Variants in KCNJ6 observed in about 807,000 individuals in gnomAD.
KCNJ6 encodes the protein potassium inwardly rectifying channel subfamily J member 6.
In KCNJ6, 9 loss-of-function variants were observed where a neutral mutation model predicts 34.2. That is an observed-to-expected ratio of 0.26 (90% CI 0.16 to 0.46). The LOEUF (loss-of-function observed/expected upper bound fraction) is 0.46, where lower values mean the gene tolerates loss of function less well. Ranked by LOEUF, KCNJ6 falls within the 20% of genes least tolerant of loss-of-function variation. The pLI is 1.00. For missense variants in KCNJ6, 236 were observed against 531.3 expected, an observed-to-expected ratio of 0.44 and a Z score of 5.46; for synonymous variants, 196 against 207.1, an observed-to-expected ratio of 0.95 and a Z score of 0.46.
intron 1 of KCNJ6, among the ~76,000 whole-genome samples, chr21:37,846,582 T>A (rs374457607): frequency 6.6e-6 from 1 of 152,022 alleles, no homozygotes. Context: ...TACCCAGAAG[T>A]AGGCTTTTAA....
At chr21:37,890,877 C>A (rs1422900424) in intron 1 of KCNJ6, among the ~76,000 whole-genome samples, 5 of 152,306 alleles carry the variant, frequency 3.3e-5, no homozygotes, top group African/African-American at 1.2e-4. Flanking sequence ...CTGTAGCCTA[C>A]TGTGGGTTTC....
Position 37,615,569 on chromosome 21 carries a change from GGA to G in KCNJ6, c.*9588_*9589del, listed in dbSNP as rs1348403619. On this transcript the variant is annotated 3_prime_UTR_variant, in exon 4 of 4. Transcript: ENST00000609713. ...ACTTTACCTTTTATGCCAATATAGG[GGA>G]GTCTATTCTCAAGTTCAAAGCCAGA... 1 of 152,112 alleles carries G rather than the reference GGA, an allele frequency of 6.6e-6. No homozygotes were observed. The highest frequency in any genetic ancestry group is 1.5e-5 in the Non-Finnish European group (1 of 68,028). 9.4% of individuals were successfully genotyped at this position (152,112 alleles called of 1,614,324 possible).
chr21:37,821,392 A>T lies in KCNJ6; in HGVS notation c.25+19266T>A, dbSNP rs978791394. Among the ~76,000 whole-genome samples the T allele has an allele frequency of 7.2e-5, 11 of 152,168 alleles. No individual in the cohort carries two copies. The East Asian group carries it at 7.7e-4, about 11-fold the overall frequency. ...CAATTTTTTTATTTCTTAATTTTTT[A>T]AAATTTAATTTTACATTCTAGGTTA... On this transcript the variant is annotated intron_variant, in intron 2 of 3. Transcript: ENST00000609713.
intron 1 of KCNJ6, among the ~76,000 whole-genome samples, chr21:37,901,293 T>A (rs890914541): frequency 2.0e-5 from 3 of 152,042 alleles, no homozygotes; most frequent in Admixed American, 2.0e-4. Flanking sequence ...TAAAGGTGAG[T>A]GTTGTCTTAG....
intron 2 of KCNJ6, among the ~76,000 whole-genome samples, chr21:37,784,283 C>T (rs1480085236): frequency 6.6e-6 from 1 of 152,154 alleles, no homozygotes; most frequent in African/African-American, 2.4e-5. Context: ...TACCCTGGAG[C>T]CATCTCTCCC....
intron 1 of KCNJ6, among the ~76,000 whole-genome samples, chr21:37,860,634 T>A (rs1356587188): frequency 6.6e-6 from 1 of 152,146 alleles, no homozygotes; most frequent in East Asian, 1.9e-4. Context: ...TCCCCATCAC[T>A]CACACTGCAG....
At position 37,846,070 on chromosome 21, in the gene KCNJ6, C is replaced by T. The variant is rs148522900; in HGVS notation, c.-27-5361G>A. ...TGTCTTGTTTAAATCATAAACTCCT[C>T]GGGTAGAGCATTGACTTTCAGGGGC... is the stretch of plus-strand genomic sequence containing the variant. On this transcript the variant is annotated intron_variant, in intron 1 of 3. Transcript: ENST00000609713. Among the ~76,000 whole-genome samples the T allele has an allele frequency of 5.5e-3, 842 of 152,222 alleles. 8 individuals carry two copies. The highest frequency in any genetic ancestry group is 0.02 in the African/African-American group (815 of 41,522).
chr21:37,632,093 C>T (rs1180461701), intron 3 of KCNJ6, among the ~76,000 whole-genome samples: 1 of 151,876 alleles, frequency 6.6e-6, no homozygotes. Flanking sequence ...GAAAAGGAGG[C>T]CCGGGAGCTG....
intron 3 of KCNJ6, among the ~76,000 whole-genome samples, chr21:37,689,524 G>A (rs1028036064): frequency 6.6e-6 from 1 of 151,938 alleles, no homozygotes; most frequent in Non-Finnish European, 1.5e-5. Context: ...GAACATTCAC[G>A]GCATGACTTA....
At position 37,675,116 on chromosome 21, in the gene KCNJ6, TTTGGAC is replaced by T; in HGVS notation, c.946+39089_946+39094del. ...TTCGCACCACTTTCTAAGTGTCTCC[TTTGGAC>T]TGGGCCCTTGAGCCATGAGCTTTCT... is the stretch of plus-strand genomic sequence containing the variant. On this transcript the variant is annotated intron_variant, in intron 3 of 3. Transcript: ENST00000609713. The surrounding 1 kb of genome is among the most constrained non-coding windows in gnomAD (Gnocchi z 4.2). Among the ~76,000 whole-genome samples the T allele has an allele frequency of 6.6e-6, 1 of 152,190 alleles. No individual in the cohort carries two copies. Among genetic ancestry groups the T allele is most frequent in the East Asian group, 1.9e-4 (1 of 5,174 alleles).
intron 2 of KCNJ6, among the ~76,000 whole-genome samples, chr21:37,797,052 C>T (rs561021012): frequency 2.6e-4 from 40 of 152,050 alleles, no homozygotes; most frequent in African/African-American, 8.9e-4. Context: ...CTCGGCCTCC[C>T]AAAGTGCTGG....
chr21:37,835,978 C>T (rs553695491), intron 2 of KCNJ6, among the ~76,000 whole-genome samples: 20 of 152,164 alleles, frequency 1.3e-4, no homozygotes, highest in Admixed American at 9.1e-4. Flanking sequence ...CTTTTTGATG[C>T]GATCTATCCA....
chr21:37,708,066 T>C (rs1373686792), intron 3 of KCNJ6, among the ~76,000 whole-genome samples: 1 of 152,160 alleles, frequency 6.6e-6, no homozygotes, highest in African/African-American at 2.4e-5. Flanking sequence ...CTATTGAGCA[T>C]CTAATTTAGT....
intron 3 of KCNJ6, among the ~76,000 whole-genome samples, chr21:37,664,951 G>A (rs968315635): frequency 2.6e-5 from 4 of 151,656 alleles, no homozygotes; most frequent in East Asian, 1.9e-4. Flanking sequence ...GCCTGCCACC[G>A]CGCCCGGCTA....
chr21:37,804,094 C>G (rs1206396376), intron 2 of KCNJ6, among the ~76,000 whole-genome samples: 1 of 152,150 alleles, frequency 6.6e-6, no homozygotes, highest in Non-Finnish European at 1.5e-5. Flanking sequence ...GCCATGAGCA[C>G]CAGAAAAGAT....
At chr21:37,867,081 C>T (rs1258222945) in intron 1 of KCNJ6, among the ~76,000 whole-genome samples, 1 of 152,224 alleles carries the variant, frequency 6.6e-6, no homozygotes, top group Non-Finnish European at 1.5e-5. Flanking sequence ...GCCATCTTGA[C>T]ATTCCTTAAC....
intron 3 of KCNJ6, among the ~76,000 whole-genome samples, chr21:37,691,747 G>A (rs2054640802): frequency 6.6e-6 from 1 of 152,132 alleles, no homozygotes; most frequent in Admixed American, 6.5e-5. Context: ...CGGCAGGGGT[G>A]GAATCTGTGT....
chr21:37,635,285 C>G (rs1057370473), intron 3 of KCNJ6, among the ~76,000 whole-genome samples: 2 of 151,950 alleles, frequency 1.3e-5, no homozygotes, highest in South Asian at 2.1e-4. Context: ...GTGGTGTGAT[C>G]TGGGCTTACT....
At chr21:37,831,626 T>G (rs142248165) in intron 2 of KCNJ6, among the ~76,000 whole-genome samples, 8 of 152,254 alleles carry the variant, frequency 5.3e-5, no homozygotes, top group Non-Finnish European at 1.2e-4. Flanking sequence ...TTCCCAGAAG[T>G]ACATGGCAGA....
Sources: allele counts gnomAD v4.1 joint callset (sites outside exome capture counted in the v4.1 genomes callset), GRCh38; gene constraint gnomAD v4.1.1; non-coding constraint Gnocchi (gnomAD v3.1); transcripts MANE v1.5; gene names NCBI Gene and HGNC (gene_info 2026-07-23, HGNC 2026-07-21).